FLRT1: variants seen among roughly 807,000 people sequenced by gnomAD.
FLRT1 encodes the protein leucine-rich repeat transmembrane protein FLRT1.
FLRT1 carries 14 observed loss-of-function variants against 30.9 expected under a neutral mutation model. The observed-to-expected ratio is 0.45, with a 90% CI of 0.30 to 0.71. The LOEUF is 0.71. Among genes scored for constraint, FLRT1 ranks in the 30% least tolerant of loss-of-function variants. FLRT1 has a pLI of 0.08. For synonymous variants in FLRT1, 368 were observed against 430.4 expected (o/e 0.85, Z 1.80); for missense variants, 737 against 949.2 (o/e 0.78, Z 2.94).
chr11:64,067,115 C>T lies in FLRT1; in HGVS notation c.-1038+30956C>T, dbSNP rs893226352. On this transcript the variant is annotated intron_variant, in intron 1 of 2. Transcript: ENST00000682287. The surrounding 1 kb of genome is among the most constrained non-coding windows in gnomAD (Gnocchi z 4.6). ...GGCAGAATGGAAGCCATTCTCATTA[C>T]ACCACAGGCCAGGGCCAAGTAGGCA... Among the ~76,000 whole-genome samples, 4 of 152,168 alleles carry T rather than the reference C, an allele frequency of 2.6e-5. No homozygotes were observed. The highest frequency in any genetic ancestry group is 9.7e-5 in the African/African-American group (4 of 41,434).
chr11:64,116,792 C>A lies in FLRT1; in HGVS notation c.525C>A (p.Asp175Glu). ...GCATTGAGGAGGACGCCTTCGCCGA[C>A]AGCAAACAGCTCAAGCTGCTCTTCC... ...TVSIEEDAFADSKQLKLLFLS... is the reference protein window; with the variant it reads ...TVSIEEDAFAESKQLKLLFLS... Residue 175 changes from aspartate to glutamate, a missense_variant, in exon 3 of 3, where the codon GAC (aspartate) becomes GAA (glutamate). Asp to Glu is a conservative substitution (Grantham distance 45, BLOSUM62 2). Coordinates refer to ENST00000682287, the MANE Select transcript of FLRT1 (RefSeq NM_013280.5). The A allele has an allele frequency of 6.2e-7, 1 of 1,613,584 alleles. No homozygotes were observed. The highest frequency in any genetic ancestry group is 8.5e-7 in the Non-Finnish European group (1 of 1,180,048).
In FLRT1 at chr11:64,091,975, A is replaced by G. The variant is rs114596994; in HGVS notation, c.-1037-11219A>G. On this transcript the variant is annotated intron_variant, in intron 1 of 2. Transcript: ENST00000682287. Reference sequence around the variant, plus strand: ...GGCAGTGGCGTCACTCTGGGCTCTCAGGTGGTAGAGGACAGCGGGGCTGCC... The same window carrying G: ...GGCAGTGGCGTCACTCTGGGCTCTCGGGTGGTAGAGGACAGCGGGGCTGCC... Among the ~76,000 whole-genome samples the G allele has an allele frequency of 5.1e-3, 779 of 152,298 alleles. 2 individuals are homozygous for G. Among genetic ancestry groups the G allele is most frequent in the Middle Eastern group, 0.017 (5 of 294 alleles).
chr11:64,096,938 G>A lies in FLRT1; in HGVS notation c.-1037-6256G>A, dbSNP rs1053319982. Among the ~76,000 whole-genome samples the A allele has an allele frequency of 1.9e-4, 29 of 152,176 alleles. No individual in the cohort carries two copies. Among genetic ancestry groups the A allele is most frequent in the Admixed American group, 1.6e-3 (25 of 15,286 alleles). On this transcript the variant is annotated intron_variant, in intron 1 of 2. Coordinates refer to ENST00000682287, the MANE Select transcript of FLRT1 (RefSeq NM_013280.5). This position sits in a 1 kb window ranked among gnomAD's most constrained non-coding sequence, Gnocchi z 4.6. ...TGCGAGTGGCCCTTGCTGGTCCCCC[G>A]CTCACCCACTCTCTCAGCGTCTGGG...
intron 1 of FLRT1, among the ~76,000 whole-genome samples, chr11:64,068,406 A>G (rs1944045055): frequency 1.3e-5 from 2 of 152,238 alleles, no homozygotes; most frequent in Non-Finnish European, 2.9e-5. Flanking sequence ...AAATGGAGGT[A>G]TCTACTGCAT....
Position 64,036,749 on chromosome 11 carries a change from G to C in FLRT1, c.-1038+590G>C, listed in dbSNP as rs1943388059. 6.6e-6 allele frequency among the ~76,000 whole-genome samples: 1 copy of C among 152,226 alleles called. No homozygotes were observed. Among genetic ancestry groups the C allele is most frequent in the Admixed American group, 6.5e-5 (1 of 15,292 alleles). ...GTCAGCCCTGAGCCGGGCGGGGGCTGGGGCCGTACACCTGGCGGCTGGAAC... is the reference window on the plus strand; with the variant it reads ...GTCAGCCCTGAGCCGGGCGGGGGCTCGGGCCGTACACCTGGCGGCTGGAAC... On this transcript the variant is annotated intron_variant, in intron 1 of 2. Coordinates refer to ENST00000682287, the MANE Select transcript of FLRT1 (RefSeq NM_013280.5). The surrounding 1 kb of genome is among the most constrained non-coding windows in gnomAD (Gnocchi z 5.6).
chr11:64,048,768 C>T (rs1018552420), intron 1 of FLRT1, among the ~76,000 whole-genome samples: 15 of 152,164 alleles, frequency 9.9e-5, no homozygotes, highest in Admixed American at 2.6e-4. Context: ...ACTCTAAGGG[C>T]GGAGCTGGAT....
chr11:64,037,335 G>A (rs1398475921), intron 1 of FLRT1, among the ~76,000 whole-genome samples: 1 of 152,044 alleles, frequency 6.6e-6, no homozygotes, highest in Admixed American at 6.5e-5. Context: ...CCCGGCGGCC[G>A]CGGGGGAGGC....
rs1461312425 is a variant in FLRT1, at chr11:64,082,102, T to C, written c.-1037-21092T>C. The C allele has an allele frequency of 6.6e-6, 1 of 152,080 alleles. No individual in the cohort carries two copies. Among genetic ancestry groups the C allele is most frequent in the African/African-American group, 2.4e-5 (1 of 41,366 alleles). 9.4% of individuals were successfully genotyped at this position (152,080 alleles called of 1,614,324 possible). On this transcript the variant is annotated intron_variant, in intron 1 of 2. Transcript: ENST00000682287. The surrounding 1 kb of genome is among the most constrained non-coding windows in gnomAD (Gnocchi z 4.5). ...GGGCCGTGGCGAGAACAGATGGGGCTGTGCCCATCTCCCCAGGCCCTCCTG... is the reference window on the plus strand; with the variant it reads ...GGGCCGTGGCGAGAACAGATGGGGCCGTGCCCATCTCCCCAGGCCCTCCTG...
At position 64,096,916 on chromosome 11, in the gene FLRT1, G is replaced by A. The variant is rs926103181; in HGVS notation, c.-1037-6278G>A. Reference sequence around the variant, plus strand: ...GCCTGTCCCTCCGTGAGCTGGGTGCGAGTGGCCCTTGCTGGTCCCCCGCTC... The same window carrying A: ...GCCTGTCCCTCCGTGAGCTGGGTGCAAGTGGCCCTTGCTGGTCCCCCGCTC... On this transcript the variant is annotated intron_variant, in intron 1 of 2. Transcript: ENST00000682287. The surrounding 1 kb of genome is among the most constrained non-coding windows in gnomAD (Gnocchi z 4.6). Among the ~76,000 whole-genome samples, 34 of 152,340 alleles carry A rather than the reference G, an allele frequency of 2.2e-4. No homozygotes were observed. The highest frequency in any genetic ancestry group is 7.7e-4 in the African/African-American group (32 of 41,580).
In FLRT1 at chr11:64,083,675, G is replaced by C. The variant is rs370593581; in HGVS notation, c.-1037-19519G>C. Among the ~76,000 whole-genome samples the C allele has an allele frequency of 3.3e-5, 5 of 152,344 alleles. No individual in the cohort carries two copies. In the East Asian group the frequency reaches 7.7e-4, roughly 24 times the overall value. On this transcript the variant is annotated intron_variant, in intron 1 of 2. Coordinates refer to ENST00000682287, the MANE Select transcript of FLRT1 (RefSeq NM_013280.5). ...AGATGCCAACGCCGGGTCAGAGCTA[G>C]GACCTGGTTATCAAAATAGGAATGG...
At chr11:64,080,670 A>G (rs1256963496) in intron 1 of FLRT1, among the ~76,000 whole-genome samples, 1 of 152,194 alleles carries the variant, frequency 6.6e-6, no homozygotes, top group Non-Finnish European at 1.5e-5. Flanking sequence ...CATCCACTAC[A>G]CAGACCTCAA....
rs941577950 is a variant in FLRT1, at chr11:64,082,537, G to A, written c.-1037-20657G>A. ...GGCTCGGTGCCTAACGGTGGTGGCCGTGGGAGTCAGAGCTCCAGGCGGAAG... is the reference window on the plus strand; with the variant it reads ...GGCTCGGTGCCTAACGGTGGTGGCCATGGGAGTCAGAGCTCCAGGCGGAAG... On this transcript the variant is annotated intron_variant, in intron 1 of 2. Coordinates refer to ENST00000682287, the MANE Select transcript of FLRT1 (RefSeq NM_013280.5). This position sits in a 1 kb window ranked among gnomAD's most constrained non-coding sequence, Gnocchi z 4.5. Among the ~76,000 whole-genome samples the A allele has an allele frequency of 3.9e-5, 6 of 152,230 alleles. No homozygotes were observed. The highest frequency in any genetic ancestry group is 2.6e-4 in the Admixed American group (4 of 15,304).
intron 1 of FLRT1, among the ~76,000 whole-genome samples, chr11:64,069,212 G>A (rs931959756): frequency 6.6e-6 from 1 of 152,244 alleles, no homozygotes; most frequent in African/African-American, 2.4e-5. Flanking sequence ...CGCGGCCGGG[G>A]GCCCGAGGTG....
Position 64,118,323 on chromosome 11 carries a change from C to A in FLRT1, c.*31C>A. On this transcript the variant is annotated 3_prime_UTR_variant, in exon 3 of 3. Transcript: ENST00000682287. ...GCCCACCCGGGCTGCCCCGCCTCAG[C>A]CCCAGCTGCCCTGGCGTGGCCATGT... The A allele has an allele frequency of 6.6e-7, 1 of 1,526,172 alleles. No homozygotes were observed. 94.5% of individuals were successfully genotyped at this position (1,526,172 alleles called of 1,614,324 possible).
Position 64,117,198 on chromosome 11 carries a change from C to G in FLRT1, c.931C>G (p.Arg311Gly). Residue 311 changes from arginine (R) to glycine (G), a missense_variant, in exon 3 of 3, where the codon CGC (arginine) becomes GGC (glycine). Physicochemically the swap from Arg to Gly is moderately radical, Grantham distance 125. Transcript: ENST00000682287. ...LSNNNLTTLP[R>G]GLFDDLGNLA... is the part of the protein sequence containing the mutation. ...CAACAACAACCTGACCACGCTGCCC[C>G]GCGGCCTGTTCGACGACCTGGGGAA... 1 of 1,614,132 alleles carries G rather than the reference C, an allele frequency of 6.2e-7. No individual in the cohort carries two copies.
intron 1 of FLRT1, among the ~76,000 whole-genome samples, chr11:64,050,365 CCTAGGGGCAGCTGGACA>C (rs1334311445): frequency 6.6e-6 from 1 of 152,218 alleles, no homozygotes; most frequent in Non-Finnish European, 1.5e-5. Flanking sequence ...GTGCAGGCCA[CCTAGGGGCAGCTGGACA>C]CGTAGGGGTC....
At chr11:64,076,413 C>T (rs773256179) in intron 1 of FLRT1, among the ~76,000 whole-genome samples, 46 of 152,198 alleles carry the variant, frequency 3.0e-4, no homozygotes, top group Admixed American at 1.3e-4. Context: ...GTGCTTGGCA[C>T]ATCACAGGTG....
intron 1 of FLRT1, among the ~76,000 whole-genome samples, chr11:64,058,197 C>G (rs1943827268): frequency 6.6e-6 from 1 of 152,282 alleles, no homozygotes; most frequent in East Asian, 1.9e-4. Flanking sequence ...CTAATCCTCT[C>G]TTTCTGGGGC....
At chr11:64,071,479 G>A (rs1944106511) in intron 1 of FLRT1, among the ~76,000 whole-genome samples, 1 of 152,176 alleles carries the variant, frequency 6.6e-6, no homozygotes, top group Non-Finnish European at 1.5e-5. Flanking sequence ...AGGCCAAGGA[G>A]AGCATTGTCC....
Sources: gnomAD v4.1 joint callset for allele counts (sites outside exome capture counted in the v4.1 genomes callset) on GRCh38, gnomAD v4.1.1 for gene constraint, Gnocchi (gnomAD v3.1) non-coding constraint, MANE v1.5 for transcripts, NCBI Gene and HGNC (gene_info 2026-07-23, HGNC 2026-07-21) for gene names.